FGF1: variants seen among roughly 807,000 people sequenced by gnomAD.
The protein encoded by FGF1 is fibroblast growth factor 1, also known as beta-endothelial cell growth factor.
FGF1 carries 9 observed loss-of-function variants against 13.4 expected under a neutral mutation model. That is an observed-to-expected ratio of 0.67 (90% confidence interval 0.40 to 1.17). The LOEUF (loss-of-function observed/expected upper bound fraction) is 1.17, where lower values mean the gene tolerates loss of function less well. FGF1 is among the 50% of genes most tolerant of loss of function. The pLI is 0.01. For missense variants in FGF1, 156 were observed against 192.7 expected (o/e 0.81, Z 1.13); for synonymous variants, 93 against 79.0 (o/e 1.18, Z -0.94).
intron 2 of FGF1, among the ~76,000 whole-genome samples, chr5:142,601,706 G>T (rs1237847840): frequency 6.6e-6 from 1 of 152,166 alleles, no homozygotes; most frequent in Non-Finnish European, 1.5e-5. Flanking sequence ...CAACAGCAAA[G>T]AATTTTCCAG....
At chr5:142,608,769 CAT>C (rs1187112203) in intron 2 of FGF1, among the ~76,000 whole-genome samples, 2 of 134,270 alleles carry the variant, frequency 1.5e-5, no homozygotes, top group South Asian at 2.6e-4. Context: ...ACATATATAT[CAT>C]ATATATATAG....
At position 142,594,994 on chromosome 5, in the gene FGF1, C is replaced by T. The variant is rs1360947987; in HGVS notation, c.*296G>A. Reference sequence around the variant, plus strand: ...GACCCCTTAACACACTTCATTTAGCCCCACTTTTGCATGGAGGGACTCAGC... The same window carrying T: ...GACCCCTTAACACACTTCATTTAGCTCCACTTTTGCATGGAGGGACTCAGC... On this transcript the variant is annotated 3_prime_UTR_variant, in exon 4 of 4. Transcript: ENST00000337706. 6.1e-6 allele frequency: 2 copies of T among 326,086 alleles called. No individual in the cohort carries two copies. The highest frequency in any genetic ancestry group is 1.1e-5 in the Non-Finnish European group (2 of 178,342). 20.2% of individuals were successfully genotyped at this position (326,086 alleles called of 1,614,324 possible).
chr5:142,608,105 G>T (rs865907459), intron 2 of FGF1, among the ~76,000 whole-genome samples: 1 of 152,286 alleles, frequency 6.6e-6, no homozygotes, highest in Middle Eastern at 3.4e-3. Flanking sequence ...CTGTTTCTGA[G>T]CCCCAAGCTA....
intron 1 of FGF1, among the ~76,000 whole-genome samples, chr5:142,649,219 TGTG>T (rs748251794): frequency 8.5e-4 from 130 of 152,274 alleles, no homozygotes; most frequent in Non-Finnish European, 1.6e-3. Context: ...TCTGATGAAT[TGTG>T]TGTGTGTGAC....
chr5:142,686,121 A>G (rs2152061899), upstream of FGF1: 1 of 152,208 alleles, frequency 6.6e-6, no homozygotes, highest in East Asian at 1.9e-4. Context: ...CGTGGCATGC[A>G]CATCAGGTTG....
intron 2 of FGF1, among the ~76,000 whole-genome samples, chr5:142,692,071 C>T (rs1345565082): frequency 2.0e-5 from 3 of 152,178 alleles, no homozygotes; most frequent in Non-Finnish European, 4.4e-5. Flanking sequence ...TAGCTCATGC[C>T]TGTAATCCCA....
At chr5:142,659,217 C>A (rs1768728294) in intron 1 of FGF1, among the ~76,000 whole-genome samples, 2 of 147,992 alleles carry the variant, frequency 1.4e-5, no homozygotes, top group African/African-American at 2.5e-5. Flanking sequence ...AATGCTTCAC[C>A]AGATCTTGCG....
intron 1 of FGF1, among the ~76,000 whole-genome samples, chr5:142,649,855 GA>G (rs1486444997): frequency 1.3e-5 from 2 of 152,006 alleles, no homozygotes; most frequent in African/African-American, 4.8e-5. Context: ...TCTTAAGTAA[GA>G]AAAAAACAAT....
At chr5:142,599,018 C>T (rs1056342531) in intron 3 of FGF1, among the ~76,000 whole-genome samples, 1 of 152,190 alleles carries the variant, frequency 6.6e-6, no homozygotes, top group Middle Eastern at 3.2e-3. Context: ...TGGTCTGTGA[C>T]GTGCCAGCCA....
chr5:142,623,502 C>T (rs779946281), intron 1 of FGF1, among the ~76,000 whole-genome samples: 3 of 151,702 alleles, frequency 2.0e-5, no homozygotes, highest in Admixed American at 6.6e-5. Flanking sequence ...CATACCACCA[C>T]GTCCAACTAA....
intron 1 of FGF1, among the ~76,000 whole-genome samples, chr5:142,654,750 T>C (rs1357732721): frequency 6.6e-6 from 1 of 152,236 alleles, no homozygotes; most frequent in Non-Finnish European, 1.5e-5. Flanking sequence ...AAACACTCCC[T>C]CTTTAGGGTT....
chr5:142,689,694 GTTTTTTT>G (rs5871823), upstream of FGF1, among the ~76,000 whole-genome samples: 2 of 115,510 alleles, frequency 1.7e-5, no homozygotes, highest in South Asian at 6.1e-4. Context: ...CTCGATCCTA[GTTTTTTT>G]TTTTTTTTTT....
intron 1 of FGF1, among the ~76,000 whole-genome samples, chr5:142,646,452 A>G (rs545708167): frequency 4.7e-5 from 7 of 150,472 alleles, no homozygotes; most frequent in African/African-American, 1.7e-4. Context: ...TCCTAGGTTC[A>G]AGCAATTTTC....
chr5:142,651,179 C>T (rs960237768), intron 1 of FGF1, among the ~76,000 whole-genome samples: 2 of 152,054 alleles, frequency 1.3e-5, no homozygotes, highest in African/African-American at 4.8e-5. Context: ...CCCTGGGTCT[C>T]CACCTCCTTC....
chr5:142,645,267 T>C (rs1347614900), intron 1 of FGF1, among the ~76,000 whole-genome samples: 3 of 152,200 alleles, frequency 2.0e-5, no homozygotes, highest in East Asian at 3.8e-4. Context: ...CTCACAGCCC[T>C]GGCAGACGGC....
chr5:142,636,545 G>A (rs1764280678), intron 1 of FGF1, among the ~76,000 whole-genome samples: 1 of 152,256 alleles, frequency 6.6e-6, no homozygotes, highest in East Asian at 1.9e-4. Context: ...CAGGCACAGA[G>A]AGGCTCTCTT....
chr5:142,650,182 C>T (rs11750344), intron 1 of FGF1, among the ~76,000 whole-genome samples: 3,269 of 152,200 alleles, frequency 0.021, 67 homozygotes, highest in East Asian at 0.077. Context: ...GGAGTAAGGG[C>T]GTGCAGGGGG....
intron 1 of FGF1, among the ~76,000 whole-genome samples, chr5:142,681,456 C>G (rs1773678339): frequency 6.6e-6 from 1 of 152,128 alleles, no homozygotes; most frequent in African/African-American, 2.4e-5. Flanking sequence ...CCCCACTGTT[C>G]CCCAGTGCCT....
chr5:142,666,444 G>C (rs1770381416), intron 1 of FGF1, among the ~76,000 whole-genome samples: 1 of 152,176 alleles, frequency 6.6e-6, no homozygotes, highest in African/African-American at 2.4e-5. Flanking sequence ...CGTTGAGTCA[G>C]AGTCTAGAAA....
Sources: allele counts gnomAD v4.1 joint callset (sites outside exome capture counted in the v4.1 genomes callset), GRCh38; gene constraint gnomAD v4.1.1; transcripts MANE v1.5; gene names NCBI Gene and HGNC (gene_info 2026-07-23, HGNC 2026-07-21).